Variants in PPP2R5D observed in about 807,000 individuals in gnomAD.
The protein encoded by PPP2R5D is serine/threonine-protein phosphatase 2A 56 kDa regulatory subunit delta isoform.
PPP2R5D carries 12 observed loss-of-function variants against 79.1 expected under a neutral mutation model. The observed-to-expected ratio is 0.15, with a 90% CI of 0.10 to 0.25. The LOEUF (loss-of-function observed/expected upper bound fraction) is 0.25, where lower values mean the gene tolerates loss of function less well. PPP2R5D is among the 10% of genes least tolerant of loss of function. The pLI is 1.00. For missense variants in PPP2R5D, 419 were observed against 760.2 expected (o/e 0.55, Z 5.28); for synonymous variants, 277 against 286.6 (o/e 0.97, Z 0.34).
At chr6:42,986,452 C>T (rs1770856148) in intron 1 of PPP2R5D, among the ~76,000 whole-genome samples, 2 of 152,252 alleles carry the variant, frequency 1.3e-5, no homozygotes, top group South Asian at 4.2e-4. Context: ...TCTGTATTTG[C>T]CAGGCAGCTC....
chr6:43,005,822 A>G (rs775432682), intron 2 of PPP2R5D, among the ~76,000 whole-genome samples: 5 of 152,066 alleles, frequency 3.3e-5, no homozygotes, highest in Admixed American at 6.6e-5. Flanking sequence ...GGGTTTCACC[A>G]TGTTGGCCTG....
chr6:42,995,520 C>T (rs2150258827), intron 2 of PPP2R5D, among the ~76,000 whole-genome samples: 1 of 151,696 alleles, frequency 6.6e-6, no homozygotes, highest in South Asian at 2.1e-4. Flanking sequence ...CTTTATTTCT[C>T]CTGTGTCTTT....
Position 43,012,025 on chromosome 6 carries a change from C to CT in PPP2R5D, c.*740dup. The CT allele has an allele frequency of 4.6e-6, 1 of 216,002 alleles. No individual in the cohort carries two copies. Among genetic ancestry groups the CT allele is most frequent in the Non-Finnish European group, 8.0e-6 (1 of 125,504 alleles). The allele number at this position is 216,002 out of a possible 1,614,324, so 13.4% of individuals were successfully genotyped here. The stretch of plus-strand genomic sequence containing the variant: ...ATGGAAGGGACCACCCTGGGGCTGA[C>CT]TGCTTTTCTGTGCTGTTGGTTCCCA... On this transcript the variant is annotated 3_prime_UTR_variant, in exon 16 of 16. Coordinates refer to ENST00000485511, the MANE Select transcript of PPP2R5D (RefSeq NM_006245.4).
intron 2 of PPP2R5D, among the ~76,000 whole-genome samples, chr6:43,001,583 C>T (rs1772211520): frequency 6.6e-6 from 1 of 151,964 alleles, no homozygotes. Context: ...GAAGGTACCT[C>T]TTATAAAATG....
intron 1 of PPP2R5D, among the ~76,000 whole-genome samples, chr6:42,985,011 T>A (rs1770725958): frequency 6.6e-6 from 1 of 150,664 alleles, no homozygotes; most frequent in African/African-American, 2.5e-5. Flanking sequence ...GTCACTGTCC[T>A]GCTTTTTCTG....
In PPP2R5D at chr6:42,998,013, ATTTAT is replaced by A. The variant is rs1771838037; in HGVS notation, c.105+8326_105+8330del. On this transcript the variant is annotated intron_variant, in intron 2 of 15. Transcript: ENST00000485511. ...ATTTATATTTGAATATTTGGGTTTT[ATTTAT>A]ATATATATATATATATATATATATA... Among the ~76,000 whole-genome samples the A allele has an allele frequency of 3.6e-3, 139 of 38,416 alleles. 12 individuals carry two copies. The highest frequency in any genetic ancestry group is 0.011 in the African/African-American group (128 of 11,964). The allele number at this position is 38,416 out of a possible 152,430, so 25.2% of individuals were successfully genotyped here. A position where few individuals can be genotyped will look rare whatever the true frequency, so the allele number is the denominator to read the frequency against.
chr6:42,989,805 G>A, intron 2 of PPP2R5D, 117 bp downstream of exon 2: 2 of 1,014,414 alleles, frequency 2.0e-6, no homozygotes, highest in Non-Finnish European at 2.9e-6. Context: ...CCATATCCTG[G>A]GAGGGACCTG....
chr6:43,002,339 A>G (rs1439935373), intron 2 of PPP2R5D, among the ~76,000 whole-genome samples: 1 of 151,790 alleles, frequency 6.6e-6, no homozygotes, highest in African/African-American at 2.4e-5. Flanking sequence ...AATTTTTTGT[A>G]TCTTTAGTAG....
At chr6:42,999,406 T>A (rs945165203) in intron 2 of PPP2R5D, among the ~76,000 whole-genome samples, 2 of 152,170 alleles carry the variant, frequency 1.3e-5, no homozygotes, top group African/African-American at 4.8e-5. Flanking sequence ...TGGGAGCCAA[T>A]GGTCCTTATA....
At chr6:43,000,818 G>A (rs1028930851) in intron 2 of PPP2R5D, among the ~76,000 whole-genome samples, 2 of 152,194 alleles carry the variant, frequency 1.3e-5, no homozygotes, top group Non-Finnish European at 2.9e-5. Flanking sequence ...GGAGGAGCCT[G>A]GGCAGGACCT....
chr6:43,008,592 T>A lies in PPP2R5D; in HGVS notation c.1027-101T>A. The A allele has an allele frequency of 6.8e-7, 1 of 1,480,408 alleles. No homozygotes were observed. Among genetic ancestry groups the A allele is most frequent in the Non-Finnish European group, 9.4e-7 (1 of 1,061,828 alleles). The allele number at this position is 1,480,408 out of a possible 1,614,324, so 91.7% of individuals were successfully genotyped here. A position where few individuals can be genotyped will look rare whatever the true frequency, so the allele number is the denominator to read the frequency against. On this transcript the variant is annotated intron_variant, in intron 9 of 15. Transcript: ENST00000485511. This position sits in a 1 kb window ranked among gnomAD's most constrained non-coding sequence, Gnocchi z 4.2. ...GGAGCAGGTGGGATAATTCCTTCCC[T>A]CCATCTCCCCTTCCCTTCTGGGATC...
rs529243060 is a variant in PPP2R5D at position 43,006,729 on chromosome 6, C to G, written c.322+50C>G. On this transcript the variant is annotated intron_variant, in intron 3 of 15. Coordinates refer to ENST00000485511, the MANE Select transcript of PPP2R5D (RefSeq NM_006245.4). The surrounding 1 kb of genome is among the most constrained non-coding windows in gnomAD (Gnocchi z 4.7). ...CTGTTTTACCAGTTCTAGTGGGCAT[C>G]GGGAGTTGGTGGAATGGAAGTTTTG... 6.3e-6 allele frequency: 10 copies of G among 1,594,264 alleles called. No homozygotes were observed. Among genetic ancestry groups the G allele is most frequent in the Non-Finnish European group, 8.6e-6 (10 of 1,167,790 alleles).
At chr6:42,999,519 A>G (rs1401396442) in intron 2 of PPP2R5D, among the ~76,000 whole-genome samples, 1 of 151,930 alleles carries the variant, frequency 6.6e-6, no homozygotes, top group Non-Finnish European at 1.5e-5. Context: ...TGTAGAAAAG[A>G]CCTTAGATAT....
rs115340902 is a variant in PPP2R5D at position 42,998,622 on chromosome 6, G to T, written c.106-7841G>T. On this transcript the variant is annotated intron_variant, in intron 2 of 15. Coordinates refer to ENST00000485511, the MANE Select transcript of PPP2R5D (RefSeq NM_006245.4). ...ATGGAGTCCCAGAAGTGAGGGCCAG[G>T]TATGGTGGCTCACACCTGTAATCCC... Among the ~76,000 whole-genome samples, 993 of 152,280 alleles carry T rather than the reference G, an allele frequency of 6.5e-3. 12 individuals are homozygous for T. Among genetic ancestry groups the T allele is most frequent in the African/African-American group, 0.023 (952 of 41,556 alleles).
In PPP2R5D at chr6:43,006,394, G is replaced by A; in HGVS notation, c.106-69G>A. On this transcript the variant is annotated intron_variant, in intron 2 of 15. Transcript: ENST00000485511. The surrounding 1 kb of genome is among the most constrained non-coding windows in gnomAD (Gnocchi z 4.7). ...CCTGTGCAGGCATAAACAGACTTGG[G>A]GATGGCCAGGCCCAGGGTGGGAGGC... 6.4e-7 allele frequency: 1 copy of A among 1,556,680 alleles called. No individual in the cohort carries two copies. Among genetic ancestry groups the A allele is most frequent in the Non-Finnish European group, 8.7e-7 (1 of 1,152,484 alleles).
Position 42,995,126 on chromosome 6 carries a change from C to CTTTTTTTTTTTTTTTTTTT in PPP2R5D, c.105+5441_105+5459dup, listed in dbSNP as rs889250251. On this transcript the variant is annotated intron_variant, in intron 2 of 15. Transcript: ENST00000485511. ...TTGTGTCCCACCGAACTTTTTCTTT[C>CTTTTTTTTTTTTTTTTTTT]TTTTTTTTTTTTTTTTTTTTTGGAG... Among the ~76,000 whole-genome samples the CTTTTTTTTTTTTTTTTTTT allele has an allele frequency of 7.7e-4, 82 of 106,344 alleles. 5 individuals are homozygous for CTTTTTTTTTTTTTTTTTTT. The highest frequency in any genetic ancestry group is 6.1e-3 in the East Asian group (21 of 3,464). The allele number at this position is 106,344 out of a possible 152,430, so 69.8% of individuals were successfully genotyped here.
intron 2 of PPP2R5D, among the ~76,000 whole-genome samples, chr6:43,001,011 C>T (rs905177764): frequency 6.6e-6 from 1 of 152,112 alleles, no homozygotes; most frequent in Non-Finnish European, 1.5e-5. Context: ...GCAGTCACAG[C>T]GCCAAGGGAA....
chr6:42,995,331 T>C (rs565401426), intron 2 of PPP2R5D, among the ~76,000 whole-genome samples: 1 of 151,778 alleles, frequency 6.6e-6, no homozygotes, highest in South Asian at 2.1e-4. Context: ...AGGTTTCTTA[T>C]TATGTTGCTA....
chr6:42,996,460 T>A (rs1208958257), intron 2 of PPP2R5D, among the ~76,000 whole-genome samples: 1 of 146,920 alleles, frequency 6.8e-6, no homozygotes, highest in Non-Finnish European at 1.5e-5. Flanking sequence ...CGAGACTCCG[T>A]CTCAAAAATA....
Sources: allele counts gnomAD v4.1 joint callset (sites outside exome capture counted in the v4.1 genomes callset), GRCh38; gene constraint gnomAD v4.1.1; non-coding constraint Gnocchi (gnomAD v3.1); transcripts MANE v1.5; gene names NCBI Gene and HGNC (gene_info 2026-07-23, HGNC 2026-07-21).